CCN4: variants seen among roughly 807,000 people sequenced by gnomAD.
CCN4 encodes the protein CCN family member 4.
Under a neutral mutation model 36.7 loss-of-function variants are expected in CCN4, and 30 were observed. The ratio of observed to expected loss-of-function variants is 0.82; its 90% confidence interval spans 0.61 to 1.11. The LOEUF is 1.11. Among genes scored for constraint, CCN4 ranks in the 50% least tolerant of loss-of-function variants. The pLI is 0.00. For synonymous variants in CCN4, 191 were observed against 195.4 expected, an observed-to-expected ratio of 0.98 and a Z score of 0.19; for missense variants, 505 against 504.9, an observed-to-expected ratio of 1.00 and a Z score of 0.00.
chr8:133,206,447 C>T (rs548644377), intron 1 of CCN4, among the ~76,000 whole-genome samples: 1 of 152,238 alleles, frequency 6.6e-6, no homozygotes, highest in Non-Finnish European at 1.5e-5. Flanking sequence ...GTGGGAAACT[C>T]TCATCTCCCT....
In CCN4 at chr8:133,213,087, GC is replaced by G; in HGVS notation, c.295del (p.Leu99SerfsTer14). 1.2e-6 allele frequency: 2 copies of G among 1,614,070 alleles called. No individual in the cohort carries two copies. The highest frequency in any genetic ancestry group is 1.7e-6 in the Non-Finnish European group (2 of 1,179,934). On this transcript the variant is annotated frameshift_variant, in exon 2 of 5. Transcript: ENST00000250160. LOFTEE classifies it high-confidence loss of function. ...TEAAICDPHRGLYCDYSGDRP... is the reference protein window; with the variant it reads ...TEAAICDPHRXLYCDYSGDRP... ...GCTGCCATCTGTGACCCCCACCGGG[GC>G]CTCTACTGTGACTACAGCGGGGACC...
chr8:133,224,329 C>G (rs537924359), intron 3 of CCN4, among the ~76,000 whole-genome samples: 1 of 150,354 alleles, frequency 6.7e-6, no homozygotes, highest in Non-Finnish European at 1.5e-5. Flanking sequence ...CAACCTCTAC[C>G]TCCCAGATCA....
At chr8:133,223,814 T>C (rs148321613) in intron 3 of CCN4, among the ~76,000 whole-genome samples, 144 of 152,338 alleles carry the variant, frequency 9.5e-4, no homozygotes, top group African/African-American at 3.2e-3. Flanking sequence ...TCCATCTTTC[T>C]GTGGGCAGTT....
chr8:133,214,686 C>G (rs1218864549), intron 2 of CCN4, among the ~76,000 whole-genome samples: 1 of 152,102 alleles, frequency 6.6e-6, no homozygotes, highest in Admixed American at 6.5e-5. Flanking sequence ...ATATATGACT[C>G]ATCAGATTAA....
chr8:133,203,139 A>T (rs961104137), intron 1 of CCN4, among the ~76,000 whole-genome samples: 1 of 152,072 alleles, frequency 6.6e-6, no homozygotes, highest in African/African-American at 2.4e-5. Flanking sequence ...GACCGTCCAC[A>T]CTGCTCACGG....
intron 1 of CCN4, among the ~76,000 whole-genome samples, chr8:133,201,129 G>A (rs372217606): frequency 6.6e-6 from 1 of 152,120 alleles, no homozygotes; most frequent in African/African-American, 2.4e-5. Flanking sequence ...CTTAAGAAAC[G>A]GATGCTTTGA....
intron 3 of CCN4, among the ~76,000 whole-genome samples, chr8:133,221,852 G>A (rs555530415): frequency 2.1e-3 from 320 of 151,730 alleles, no homozygotes; most frequent in African/African-American, 7.5e-3. Flanking sequence ...TAAAAAATTG[G>A]ATGATTGGAT....
rs753742034 is a variant in CCN4 at position 133,229,156 on chromosome 8, G to A, written c.*1446G>A. 6 of 152,100 alleles carry A rather than the reference G, an allele frequency of 3.9e-5. No homozygotes were observed. The highest frequency in any genetic ancestry group is 9.7e-5 in the African/African-American group (4 of 41,430). The allele number at this position is 152,100 out of a possible 1,614,324, so 9.4% of individuals were successfully genotyped here. On this transcript the variant is annotated 3_prime_UTR_variant, in exon 5 of 5. Transcript: ENST00000250160. Reference sequence around the variant, plus strand: ...ATTTCTGTTCTTACAAATGTGAAACGGAAGCTCATAGAGGTGAGAAAACTC... The same window carrying A: ...ATTTCTGTTCTTACAAATGTGAAACAGAAGCTCATAGAGGTGAGAAAACTC...
At chr8:133,210,509 C>T (rs759722755) in intron 1 of CCN4, among the ~76,000 whole-genome samples, 2 of 152,098 alleles carry the variant, frequency 1.3e-5, no homozygotes, top group Non-Finnish European at 2.9e-5. Flanking sequence ...AGTGCCTCCT[C>T]GGTGAACCAC....
intron 1 of CCN4, among the ~76,000 whole-genome samples, chr8:133,192,482 A>C (rs994272014): frequency 4.6e-5 from 7 of 152,216 alleles, no homozygotes; most frequent in Non-Finnish European, 7.3e-5. Context: ...AAGAAATGGA[A>C]AGTGAGAGCA....
At chr8:133,207,418 C>T (rs1853819730) in intron 1 of CCN4, among the ~76,000 whole-genome samples, 1 of 152,190 alleles carries the variant, frequency 6.6e-6, no homozygotes, top group African/African-American at 2.4e-5. Context: ...AGCTCCCAGC[C>T]CCCATGAAAT....
chr8:133,214,952 C>G (rs1588198063), intron 2 of CCN4, among the ~76,000 whole-genome samples: 1 of 152,154 alleles, frequency 6.6e-6, no homozygotes, highest in Admixed American at 6.6e-5. Context: ...TTTATCTGAA[C>G]CACATGGTTA....
At chr8:133,221,936 G>A (rs1854546434) in intron 3 of CCN4, among the ~76,000 whole-genome samples, 1 of 151,662 alleles carries the variant, frequency 6.6e-6, no homozygotes, top group Non-Finnish European at 1.5e-5. Flanking sequence ...ATGGATGGAT[G>A]GATGGATAGA....
At chr8:133,214,851 C>T (rs748119898) in intron 2 of CCN4, among the ~76,000 whole-genome samples, 14 of 152,272 alleles carry the variant, frequency 9.2e-5, no homozygotes, top group East Asian at 7.7e-4. Flanking sequence ...TCACACACAA[C>T]GTAGTCTCTC....
intron 1 of CCN4, among the ~76,000 whole-genome samples, chr8:133,212,295 T>C (rs1475593031): frequency 1.3e-5 from 2 of 152,110 alleles, no homozygotes; most frequent in Admixed American, 1.3e-4. Context: ...GTTGAATACC[T>C]GCCGCTGCAC....
intron 1 of CCN4, among the ~76,000 whole-genome samples, chr8:133,203,692 T>C (rs1853667773): frequency 6.6e-6 from 1 of 152,186 alleles, no homozygotes; most frequent in African/African-American, 2.4e-5. Context: ...GGTCCCCTCA[T>C]TGCAGATGAC....
intron 1 of CCN4, among the ~76,000 whole-genome samples, chr8:133,204,695 T>G (rs905005792): frequency 6.6e-6 from 1 of 152,212 alleles, no homozygotes. Flanking sequence ...GCTGGAACTA[T>G]AGGCATGTGC....
rs1333421345 is a variant in CCN4, at chr8:133,192,857, C to T, written c.69+1644C>T. Among the ~76,000 whole-genome samples, 9 of 152,246 alleles carry T rather than the reference C, an allele frequency of 5.9e-5. 1 individual carries two copies. In the East Asian group the frequency reaches 1.3e-3, roughly 23 times the overall value. On this transcript the variant is annotated intron_variant, in intron 1 of 4. Coordinates refer to ENST00000250160, the MANE Select transcript of CCN4 (RefSeq NM_003882.4). ...GCTGAGGAGGAGTGAAGGACAGAGC[C>T]GAGGACTCAGCCAGAGGAGACCAGC...
At chr8:133,195,678 A>G (rs1317854195) in intron 1 of CCN4, among the ~76,000 whole-genome samples, 1 of 152,160 alleles carries the variant, frequency 6.6e-6, no homozygotes, top group African/African-American at 2.4e-5. Context: ...AGGAGTGGGC[A>G]CGGGAACAGG....
Sources: gnomAD v4.1 joint callset for allele counts (sites outside exome capture counted in the v4.1 genomes callset) on GRCh38, gnomAD v4.1.1 for gene constraint, MANE v1.5 for transcripts, NCBI Gene and HGNC (gene_info 2026-07-23, HGNC 2026-07-21) for gene names.